The following MYOM1 variants were observed in gnomAD, a reference collection of about 807,000 sequenced individuals.
MYOM1 encodes the protein myomesin 1, also known as myomesin-1.
Under a neutral mutation model 205.3 loss-of-function variants are expected in MYOM1, and 164 were observed. The observed-to-expected ratio is 0.80, with a 90% CI of 0.70 to 0.91. The LOEUF (loss-of-function observed/expected upper bound fraction) is 0.91, where lower values mean the gene tolerates loss of function less well. Ranked by LOEUF, MYOM1 falls within the 40% of genes least tolerant of loss-of-function variation. MYOM1 has a pLI of 0.00. For missense variants in MYOM1, 2,011 were observed against 2,127.3 expected, an observed-to-expected ratio of 0.95 and a Z score of 1.08; for synonymous variants, 772 against 789.4, an observed-to-expected ratio of 0.98 and a Z score of 0.37.
At position 3,142,053 on chromosome 18, in the gene MYOM1, C is replaced by A. The variant is rs1166836325; in HGVS notation, c.1911G>T (p.Val637=). The A allele has an allele frequency of 1.2e-6, 2 of 1,613,346 alleles. No individual in the cohort carries two copies. Among genetic ancestry groups the A allele is most frequent in the South Asian group, 1.1e-5 (1 of 91,040 alleles). Residue 637 remains valine, a synonymous_variant, in exon 14 of 38, where the codon GTG becomes GTT. Coordinates refer to ENST00000356443, the MANE Select transcript of MYOM1 (RefSeq NM_003803.4). ...CAGAGAGGTCTGTCGGGGGGCCAGG[C>A]ACAATACCCTCTGAAAAACAACAAG... ...VTEEEPSEGI[V]PGPPTDLSVT... is the part of the protein sequence containing the mutation.
intron 19 of MYOM1, among the ~76,000 whole-genome samples, chr18:3,123,831 A>ATTTTTTTTTTTTTTTTTTTTTTTTT (rs34679474): frequency 3.5e-5 from 5 of 142,284 alleles, no homozygotes; most frequent in African/African-American, 1.0e-4. Context: ...TTATTTATTT[A>ATTTTTTTTTTTTTTTTTTTTTTTTT]TTTTTTTTGA....
At chr18:3,238,510 AGGTG>A in the MYOM1 span, among the ~76,000 whole-genome samples, 176 of 152,270 alleles carry the variant, frequency 1.2e-3, no homozygotes, top group African/African-American at 4.1e-3. Flanking sequence ...CAGTGAGTAC[AGGTG>A]ACTTGGTGAC....
In MYOM1 at chr18:3,192,351, A is replaced by T. The variant is rs185361118; in HGVS notation, c.431+1467T>A. On this transcript the variant is annotated intron_variant, in intron 3 of 37. Transcript: ENST00000356443. ...TTTGTCTGGAAAGTTCACTTAAAAAAATCAGAGATAGCAAAGATATCAAAT... is the reference window on the plus strand; with the variant it reads ...TTTGTCTGGAAAGTTCACTTAAAAATATCAGAGATAGCAAAGATATCAAAT... Among the ~76,000 whole-genome samples, 327 of 152,356 alleles carry T rather than the reference A, an allele frequency of 2.1e-3. 5 individuals are homozygous for T. Among genetic ancestry groups the T allele is most frequent in the African/African-American group, 7.4e-3 (309 of 41,580 alleles).
the MYOM1 span, among the ~76,000 whole-genome samples, chr18:3,239,463 CAA>C: frequency 6.6e-6 from 1 of 152,074 alleles, no homozygotes; most frequent in Admixed American, 6.6e-5. Context: ...ATCAAATAGA[CAA>C]GAGCATGGGC....
chr18:3,155,504 G>T (rs539168226), intron 10 of MYOM1, among the ~76,000 whole-genome samples: 10 of 152,294 alleles, frequency 6.6e-5, no homozygotes, highest in South Asian at 2.1e-4. Flanking sequence ...GATTACAGGC[G>T]TGAGCCATCA....
intron 25 of MYOM1, among the ~76,000 whole-genome samples, chr18:3,096,313 T>C (rs1357680964): frequency 6.6e-6 from 1 of 152,190 alleles, no homozygotes; most frequent in East Asian, 1.9e-4. Flanking sequence ...TTAAGGTCAT[T>C]GTGGAATTCA....
chr18:3,158,339 TACTCTACA>T (rs1251445342), intron 10 of MYOM1, among the ~76,000 whole-genome samples: 1 of 152,236 alleles, frequency 6.6e-6, no homozygotes. Context: ...TATTATACTT[TACTCTACA>T]ACTTGCATAT....
At chr18:3,157,382 C>G (rs1424829896) in intron 10 of MYOM1, among the ~76,000 whole-genome samples, 1 of 152,066 alleles carries the variant, frequency 6.6e-6, no homozygotes, top group African/African-American at 2.4e-5. Flanking sequence ...TAGGTGTTAA[C>G]TGCAAAAGTT....
At chr18:3,143,409 C>A (rs990687477) in intron 13 of MYOM1, among the ~76,000 whole-genome samples, 4 of 152,088 alleles carry the variant, frequency 2.6e-5, no homozygotes, top group African/African-American at 7.2e-5. Flanking sequence ...AGATGGAAAT[C>A]TGGATTTAAA....
chr18:3,138,188 T>C (rs1303104288), intron 14 of MYOM1, among the ~76,000 whole-genome samples: 4 of 152,194 alleles, frequency 2.6e-5, no homozygotes, highest in Non-Finnish European at 5.9e-5. Flanking sequence ...ACTTTGCCCA[T>C]GGTTGGTAAG....
At chr18:3,125,522 G>T (rs1040054831) in intron 19 of MYOM1, among the ~76,000 whole-genome samples, 2 of 151,478 alleles carry the variant, frequency 1.3e-5, no homozygotes, top group Non-Finnish European at 2.9e-5. Flanking sequence ...GGGAGGCTGA[G>T]GTGGGCAGAT....
chr18:3,182,330 T>C (rs1268049785), intron 5 of MYOM1, among the ~76,000 whole-genome samples: 2 of 152,162 alleles, frequency 1.3e-5, no homozygotes, highest in Non-Finnish European at 2.9e-5. Flanking sequence ...ATATACCTAA[T>C]GTAAATGACG....
In MYOM1 at chr18:3,188,871, T is replaced by C. The variant is rs1060504728; in HGVS notation, c.648A>G (p.Ala216=). The C allele has an allele frequency of 6.2e-6, 10 of 1,609,258 alleles. No individual in the cohort carries two copies. The Admixed American group carries it at 1.3e-4, about 21-fold the overall frequency. Residue 216 remains alanine (A), a synonymous_variant, in exon 4 of 38, where the codon GCA becomes GCG. Coordinates refer to ENST00000356443, the MANE Select transcript of MYOM1 (RefSeq NM_003803.4). ...KQSTASRQST[A]SRQSVVSKQA... ...GTTTGGAAACCACAGACTGCCTGGA[T>C]GCCGTGGACTGCCTGGATGCCGTGG...
intron 6 of MYOM1, among the ~76,000 whole-genome samples, chr18:3,174,916 CCAT>C (rs1295673907): frequency 6.6e-6 from 1 of 152,006 alleles, no homozygotes; most frequent in Non-Finnish European, 1.5e-5. Flanking sequence ...TAAAAATGGA[CCAT>C]TAGGGAGAGA....
At position 3,079,270 on chromosome 18, in the gene MYOM1, G is replaced by C. The variant is rs369162357; in HGVS notation, c.4557C>G (p.Asn1519Lys). 1.9e-6 allele frequency: 3 copies of C among 1,613,890 alleles called. No homozygotes were observed. Among genetic ancestry groups the C allele is most frequent in the African/African-American group, 1.3e-5 (1 of 75,022 alleles). Residue 1519 changes from asparagine (N) to lysine (K), a missense_variant, in exon 34 of 38, where the codon AAC becomes AAG. Coordinates refer to ENST00000356443, the MANE Select transcript of MYOM1 (RefSeq NM_003803.4). ...VTGEQIWLQI[N>K]EPTPNDKGKY... Reference sequence around the variant, plus strand: ...TCCCTTTGTCATTCGGGGTGGGCTCGTTGATTTGTAGCCAGATCTGCTCTC... The same window carrying C: ...TCCCTTTGTCATTCGGGGTGGGCTCCTTGATTTGTAGCCAGATCTGCTCTC...
At chr18:3,110,554 T>C (rs980596377) in intron 22 of MYOM1, among the ~76,000 whole-genome samples, 1 of 152,180 alleles carries the variant, frequency 6.6e-6, no homozygotes, top group African/African-American at 2.4e-5. Flanking sequence ...AGCTATTATA[T>C]ACCTGGTACT....
intron 36 of MYOM1, among the ~76,000 whole-genome samples, chr18:3,074,480 C>G (rs1192879128): frequency 6.6e-6 from 1 of 152,180 alleles, no homozygotes; most frequent in Non-Finnish European, 1.5e-5. Context: ...AATTCTGGCT[C>G]CCACTCGGAC....
At position 3,169,070 on chromosome 18, in the gene MYOM1, A is replaced by G. The variant is rs554016320; in HGVS notation, c.1175-89T>C. ...ATAAGCACAGGCAGAAAGCAGTCAC[A>G]GCAAAAAAAAAATGAACAAATGAGC... On this transcript the variant is annotated intron_variant, in intron 8 of 37. Transcript: ENST00000356443. 1.2e-3 allele frequency: 1,319 copies of G among 1,144,464 alleles called. 1 individual carries two copies. The highest frequency in any genetic ancestry group is 1.5e-3 in the Non-Finnish European group (1,222 of 824,774). The allele number at this position is 1,144,464 out of a possible 1,614,324, so 70.9% of individuals were successfully genotyped here.
At chr18:3,148,644 G>A (rs1357787724) in intron 13 of MYOM1, among the ~76,000 whole-genome samples, 1 of 151,828 alleles carries the variant, frequency 6.6e-6, no homozygotes, top group East Asian at 1.9e-4. Context: ...TCAGGAGATC[G>A]AGACCATCCT....
Sources: gnomAD v4.1 joint callset for allele counts (sites outside exome capture counted in the v4.1 genomes callset) on GRCh38, gnomAD v4.1.1 for gene constraint, MANE v1.5 for transcripts, NCBI Gene and HGNC (gene_info 2026-07-23, HGNC 2026-07-21) for gene names.